The following SPRED2 variants were observed in gnomAD, a reference collection of about 807,000 sequenced individuals.
The protein encoded by SPRED2 is sprouty-related, EVH1 domain-containing protein 2.
In SPRED2, 47 loss-of-function variants were observed where a neutral mutation model predicts 43.0. That is an observed-to-expected ratio of 1.09 (90% confidence interval 0.87 to 1.40). The LOEUF (loss-of-function observed/expected upper bound fraction) is 1.40, where lower values mean the gene tolerates loss of function less well. SPRED2 is among the 40% of genes most tolerant of loss of function. The probability of loss-of-function intolerance (pLI) is 0.00; values close to 1 mark genes in which losing one functional copy is unlikely to be tolerated. For synonymous variants in SPRED2, 225 were observed against 225.7 expected, an observed-to-expected ratio of 1.00 and a Z score of 0.03; for missense variants, 561 against 586.4, an observed-to-expected ratio of 0.96 and a Z score of 0.45.
At chr2:65,318,144 T>C (rs546103885) in intron 4 of SPRED2, among the ~76,000 whole-genome samples, 1 of 152,170 alleles carries the variant, frequency 6.6e-6, no homozygotes, top group East Asian at 1.9e-4. Flanking sequence ...AAAAGAGGTG[T>C]TCCCCTGCAC....
chr2:65,424,085 G>A (rs1368525187), intron 1 of SPRED2, among the ~76,000 whole-genome samples: 1 of 151,980 alleles, frequency 6.6e-6, no homozygotes, highest in East Asian at 1.9e-4. Context: ...CACCATGCCT[G>A]GTCCATTTCT....
chr2:65,389,125 C>T (rs1675572620), intron 1 of SPRED2, among the ~76,000 whole-genome samples: 1 of 152,188 alleles, frequency 6.6e-6, no homozygotes, highest in African/African-American at 2.4e-5. Context: ...CTTCACAGCT[C>T]TGTGCCAGTG....
intron 1 of SPRED2, among the ~76,000 whole-genome samples, chr2:65,347,202 G>C (rs1331668963): frequency 1.3e-5 from 2 of 151,838 alleles, no homozygotes; most frequent in East Asian, 3.9e-4. Flanking sequence ...CAAACCCCAT[G>C]TCCTCAACTG....
At chr2:65,363,098 G>A (rs1244891987) in intron 1 of SPRED2, among the ~76,000 whole-genome samples, 1 of 146,958 alleles carries the variant, frequency 6.8e-6, no homozygotes, top group African/African-American at 2.5e-5. Flanking sequence ...AAATTAGCTG[G>A]GTGTGGTGGC....
At chr2:65,359,180 T>C (rs748921554) in intron 1 of SPRED2, among the ~76,000 whole-genome samples, 1 of 152,174 alleles carries the variant, frequency 6.6e-6, no homozygotes, top group Non-Finnish European at 1.5e-5. Context: ...TCTTGACTAG[T>C]TGACTACACA....
intron 1 of SPRED2, among the ~76,000 whole-genome samples, chr2:65,429,209 G>C (rs573916592): frequency 3.3e-5 from 5 of 152,288 alleles, no homozygotes; most frequent in African/African-American, 1.2e-4. Context: ...GCATTCTGAT[G>C]CTAAATGAAA....
intron 1 of SPRED2, among the ~76,000 whole-genome samples, chr2:65,354,225 G>A (rs1674585030): frequency 6.6e-6 from 1 of 152,212 alleles, no homozygotes; most frequent in Non-Finnish European, 1.5e-5. Context: ...TGTGGCAGAT[G>A]GAAGTTGGAG....
intron 1 of SPRED2, among the ~76,000 whole-genome samples, chr2:65,355,316 C>T (rs1204956990): frequency 6.6e-6 from 1 of 152,154 alleles, no homozygotes; most frequent in East Asian, 1.9e-4. Flanking sequence ...GAAGATTTTA[C>T]TGTGAAAGAT....
Position 65,311,774 on chromosome 2 carries a change from G to C in SPRED2, c.*1727C>G, listed in dbSNP as rs1326000354. The C allele has an allele frequency of 2.0e-6, 2 of 985,294 alleles. No homozygotes were observed. Among genetic ancestry groups the C allele is most frequent in the Non-Finnish European group, 1.2e-6 (1 of 829,944 alleles). 61.0% of individuals were successfully genotyped at this position (985,294 alleles called of 1,614,324 possible). On this transcript the variant is annotated 3_prime_UTR_variant, in exon 6 of 6. Coordinates refer to ENST00000356388, the MANE Select transcript of SPRED2 (RefSeq NM_181784.3). Reference sequence around the variant, plus strand: ...CATAAGCACACTGGGTATTTACACCGGTAATCTACTAAAGAAAATCGATGA... The same window carrying C: ...CATAAGCACACTGGGTATTTACACCCGTAATCTACTAAAGAAAATCGATGA...
intron 1 of SPRED2, among the ~76,000 whole-genome samples, chr2:65,349,250 A>G (rs187363106): frequency 1.3e-4 from 19 of 143,908 alleles, no homozygotes; most frequent in African/African-American, 4.6e-4. Context: ...TGGAGGTTGC[A>G]GTGAGCAGAG....
intron 1 of SPRED2, among the ~76,000 whole-genome samples, chr2:65,426,709 T>C (rs935317749): frequency 1.3e-5 from 2 of 152,142 alleles, no homozygotes; most frequent in Admixed American, 1.3e-4. Context: ...ATGAGCAGAA[T>C]GTCACCTACT....
chr2:65,422,104 A>ACACACACACTCTCT (rs1299857849), intron 1 of SPRED2, among the ~76,000 whole-genome samples: 347 of 129,022 alleles, frequency 2.7e-3, no homozygotes, highest in Non-Finnish European at 3.7e-3. Context: ...ACACACACAC[A>ACACACACACTCTCT]CTCTCTCTCT....
intron 5 of SPRED2, among the ~76,000 whole-genome samples, chr2:65,315,083 C>G (rs930894298): frequency 6.8e-6 from 1 of 146,344 alleles, no homozygotes. Flanking sequence ...GCAGCAGACA[C>G]TGAATAAATA....
In SPRED2 at chr2:65,330,909, C is replaced by T. The variant is rs997979337; in HGVS notation, c.438+1078G>A. Among the ~76,000 whole-genome samples the T allele has an allele frequency of 3.9e-5, 6 of 152,076 alleles. No homozygotes were observed. The East Asian group carries it at 7.7e-4, about 20-fold the overall frequency. ...TTACAACAGCTGAATGTTAGGTGTA[C>T]GGTATGCAGGCATTCACTGTACTAT... On this transcript the variant is annotated intron_variant, in intron 4 of 5. Coordinates refer to ENST00000356388, the MANE Select transcript of SPRED2 (RefSeq NM_181784.3).
intron 4 of SPRED2, among the ~76,000 whole-genome samples, chr2:65,328,018 G>A (rs564864051): frequency 2.3e-4 from 35 of 152,036 alleles, no homozygotes; most frequent in African/African-American, 5.1e-4. Context: ...CGCTGTGCCC[G>A]GCCCATTTTT....
At chr2:65,376,049 T>C (rs1042678703) in intron 1 of SPRED2, among the ~76,000 whole-genome samples, 2 of 152,150 alleles carry the variant, frequency 1.3e-5, no homozygotes, top group African/African-American at 4.8e-5. Context: ...CAAGAGAGAC[T>C]GGGGTGGGAG....
Position 65,313,597 on chromosome 2 carries a change from C to G in SPRED2, c.1161G>C (p.Leu387=). 1 of 1,614,166 alleles carries G rather than the reference C, an allele frequency of 6.2e-7. No individual in the cohort carries two copies. The highest frequency in any genetic ancestry group is 8.5e-7 in the Non-Finnish European group (1 of 1,180,024). ...GCAGGTAACAGCACATACAGGGGGC[C>G]AGGAAAGACAAGGCAATAAGAGCCA... ...RWMALIALSF[L]APCMCCYLPL... Residue 387 remains leucine, a synonymous_variant, in exon 6 of 6, where the codon CTG becomes CTC. Coordinates refer to ENST00000356388, the MANE Select transcript of SPRED2 (RefSeq NM_181784.3).
chr2:65,390,388 T>C (rs1379619314), intron 1 of SPRED2, among the ~76,000 whole-genome samples: 4 of 152,118 alleles, frequency 2.6e-5, no homozygotes, highest in East Asian at 3.9e-4. Flanking sequence ...GTCCTGGCAA[T>C]GACTGTGGGA....
chr2:65,352,522 G>A (rs933474877), intron 1 of SPRED2, among the ~76,000 whole-genome samples: 11 of 152,240 alleles, frequency 7.2e-5, no homozygotes, highest in African/African-American at 1.9e-4. Context: ...AGGCTCTTCC[G>A]TCCAGTCTTC....
Sources: gnomAD v4.1 joint callset for allele counts (sites outside exome capture counted in the v4.1 genomes callset) on GRCh38, gnomAD v4.1.1 for gene constraint, MANE v1.5 for transcripts, NCBI Gene and HGNC (gene_info 2026-07-23, HGNC 2026-07-21) for gene names.